The following DGLUCY variants were observed in gnomAD, a reference collection of about 807,000 sequenced individuals.
DGLUCY encodes D-glutamate cyclase, mitochondrial.
DGLUCY carries 58 observed loss-of-function variants against 58.5 expected under a neutral mutation model. The ratio of observed to expected loss-of-function variants is 0.99; its 90% CI spans 0.80 to 1.23. The LOEUF (loss-of-function observed/expected upper bound fraction) is 1.23, where lower values mean the gene tolerates loss of function less well. DGLUCY is among the 50% of genes most tolerant of loss of function. The pLI, the probability that DGLUCY is intolerant of heterozygous loss-of-function variation, is 0.00. For synonymous variants in DGLUCY, 325 were observed against 314.1 expected (o/e 1.03, Z -0.37); for missense variants, 779 against 784.7 (o/e 0.99, Z 0.09).
At chr14:91,207,290 T>A (rs79968685) in intron 12 of DGLUCY, among the ~76,000 whole-genome samples, 23 of 149,440 alleles carry the variant, frequency 1.5e-4, no homozygotes, top group Admixed American at 1.1e-3. Context: ...TCAAGATATC[T>A]CAACAAAAGC....
intron 5 of DGLUCY, among the ~76,000 whole-genome samples, chr14:91,170,907 G>A (rs757835457): frequency 6.6e-6 from 1 of 152,170 alleles, no homozygotes; most frequent in Non-Finnish European, 1.5e-5. Flanking sequence ...TTGGACTCTG[G>A]GACATTTATT....
chr14:91,142,840 AACACAC>A (rs558892923), intron 1 of DGLUCY, among the ~76,000 whole-genome samples: 4,595 of 124,118 alleles, frequency 0.037, 121 homozygotes, highest in African/African-American at 0.072. Flanking sequence ...ATCTCTACTA[AACACAC>A]ACACACACAC....
chr14:91,142,313 C>A (rs544874489), intron 1 of DGLUCY, among the ~76,000 whole-genome samples: 1 of 152,146 alleles, frequency 6.6e-6, no homozygotes, highest in Non-Finnish European at 1.5e-5. Context: ...CAGAAATTTG[C>A]ATTTTTGACA....
At chr14:91,182,051 A>G (rs1339322923) in intron 8 of DGLUCY, among the ~76,000 whole-genome samples, 5 of 151,598 alleles carry the variant, frequency 3.3e-5, no homozygotes, top group Non-Finnish European at 5.9e-5. Context: ...TGCAATCTCA[A>G]TTCACTGCAA....
chr14:91,175,261 G>T (rs917756563), intron 6 of DGLUCY, among the ~76,000 whole-genome samples: 1 of 152,128 alleles, frequency 6.6e-6, no homozygotes, highest in Non-Finnish European at 1.5e-5. Flanking sequence ...CCAAGATGAA[G>T]AGCCAATATC....
chr14:91,112,119 C>G (rs2044713295), upstream of DGLUCY, among the ~76,000 whole-genome samples: 1 of 151,770 alleles, frequency 6.6e-6, no homozygotes, highest in African/African-American at 2.4e-5. Context: ...TGTGGTGGCA[C>G]ATGCCTGTAA....
rs1444851209 is a variant in DGLUCY at position 91,188,919 on chromosome 14, G to A, written c.944G>A (p.Gly315Glu). The change falls in exon 9 of 14, where the codon GGG (glycine) becomes GAG (glutamate). Residue 315 changes from glycine (G) to glutamate (E), a missense_variant. Gly to Glu is a moderately conservative substitution (Grantham distance 98, BLOSUM62 -2). Coordinates refer to ENST00000256324, the MANE Select transcript of DGLUCY (RefSeq NM_001102368.3). ...SMIGIDPGNR[G>E]IGHLLCKDEL... The stretch of plus-strand genomic sequence containing the variant: ...ATTTTTGTCATTTCAGGGAACCGGG[G>A]GATTGGGCACCTGCTCTGTAAAGAT... 6.2e-7 allele frequency: 1 copy of A among 1,613,252 alleles called. No individual in the cohort carries two copies. Among genetic ancestry groups the A allele is most frequent in the Non-Finnish European group, 8.5e-7 (1 of 1,179,678 alleles).
chr14:91,075,089 G>C (rs1215498772), intron 1 of DGLUCY, among the ~76,000 whole-genome samples: 1 of 139,960 alleles, frequency 7.1e-6, no homozygotes, highest in Admixed American at 7.1e-5. Flanking sequence ...AAAAAAAAAA[G>C]AAGAATTGCT....
rs1164802092 is a variant in DGLUCY, at chr14:91,199,817, T to C, written c.1356T>C (p.Asn452=). 6.2e-7 allele frequency: 1 copy of C among 1,614,050 alleles called. No homozygotes were observed. Among genetic ancestry groups the C allele is most frequent in the African/African-American group, 1.3e-5 (1 of 74,926 alleles). The stretch of plus-strand genomic sequence containing the variant: ...GAGCTGCTGATGGCAATTACTACAA[T>C]GCAAGGAAGATGAACATCAAGCACT... ...AGRAADGNYY[N]ARKMNIKHLV... The change falls in exon 11 of 14, where the codon AAT becomes AAC. Residue 452 remains asparagine, a synonymous_variant. Coordinates refer to ENST00000256324, the MANE Select transcript of DGLUCY (RefSeq NM_001102368.3).
At chr14:91,134,416 A>T (rs1236333229) in intron 1 of DGLUCY, among the ~76,000 whole-genome samples, 2 of 151,366 alleles carry the variant, frequency 1.3e-5, no homozygotes, top group African/African-American at 4.9e-5. Flanking sequence ...GCTATTATAG[A>T]TGGTATCATT....
intron 1 of DGLUCY, among the ~76,000 whole-genome samples, chr14:91,093,281 G>A (rs1858070055): frequency 6.6e-6 from 1 of 152,074 alleles, no homozygotes; most frequent in Non-Finnish European, 1.5e-5. Flanking sequence ...AACCCTTACA[G>A]GATGTGATGA....
At position 91,189,005 on chromosome 14, in the gene DGLUCY, T is replaced by A; in HGVS notation, c.1030T>A (p.Phe344Ile). The change falls in exon 9 of 14, where the codon TTC becomes ATC. Residue 344 changes from phenylalanine to isoleucine, a missense_variant. Physicochemically the swap from Phe to Ile is conservative, Grantham distance 21. Coordinates refer to ENST00000256324, the MANE Select transcript of DGLUCY (RefSeq NM_001102368.3). ...CCGCTCAGTGCTCATCACCACTGGGTTCCCCACACATTTCAATCATGAGCC... is the reference window on the plus strand; with the variant it reads ...CCGCTCAGTGCTCATCACCACTGGGATCCCCACACATTTCAATCATGAGCC... ...HARSVLITTG[F>I]PTHFNHEPPE... 6.2e-7 allele frequency: 1 copy of A among 1,614,104 alleles called. No homozygotes were observed.
intron 1 of DGLUCY, among the ~76,000 whole-genome samples, chr14:91,134,011 G>T (rs1045269665): frequency 6.6e-6 from 1 of 152,150 alleles, no homozygotes; most frequent in Non-Finnish European, 1.5e-5. Context: ...GAGTTGAGTT[G>T]TGGGAGCCCT....
At chr14:91,195,200 CT>C (rs1462824329) in intron 9 of DGLUCY, among the ~76,000 whole-genome samples, 1 of 152,150 alleles carries the variant, frequency 6.6e-6, no homozygotes, top group Non-Finnish European at 1.5e-5. Flanking sequence ...AGACACCCTG[CT>C]CCTGGCTCCC....
chr14:91,173,181 C>A, intron 5 of DGLUCY, 108 bp from the exon 6 acceptor site: 2 of 1,078,852 alleles, frequency 1.9e-6, no homozygotes. Flanking sequence ...TCTATAACAG[C>A]TACTCCTCCT....
At chr14:91,175,339 A>G (rs2048797099) in intron 6 of DGLUCY, among the ~76,000 whole-genome samples, 1 of 152,082 alleles carries the variant, frequency 6.6e-6, no homozygotes, top group African/African-American at 2.4e-5. Context: ...TGAGGGTCCA[A>G]GTTTGGTATA....
chr14:91,165,446 C>A, intron 3 of DGLUCY: 1 of 352,164 alleles, frequency 2.8e-6, no homozygotes, highest in Non-Finnish European at 5.6e-6. Context: ...GATTCAAGCC[C>A]AGGTGTGTTT....
chr14:91,136,340 A>G (rs1439726154), intron 1 of DGLUCY, among the ~76,000 whole-genome samples: 2 of 152,168 alleles, frequency 1.3e-5, no homozygotes, highest in Non-Finnish European at 2.9e-5. Flanking sequence ...AGAGAAAAGC[A>G]TAACAGATTT....
At chr14:91,204,962 C>A in intron 12 of DGLUCY, 137 bp downstream of exon 12, 1 of 1,147,262 alleles carries the variant, frequency 8.7e-7, no homozygotes, top group Non-Finnish European at 1.2e-6. Flanking sequence ...AGGTGGTGCT[C>A]AGCCTATGAC....
Sources: allele counts gnomAD v4.1 joint callset (sites outside exome capture counted in the v4.1 genomes callset), GRCh38; gene constraint gnomAD v4.1.1; transcripts MANE v1.5; gene names NCBI Gene and HGNC (gene_info 2026-07-23, HGNC 2026-07-21).